AGTPBP1: variants seen among roughly 807,000 people sequenced by gnomAD.
AGTPBP1 encodes cytosolic carboxypeptidase 1.
AGTPBP1 carries 70 observed loss-of-function variants against 143.9 expected under a neutral mutation model. That is an observed-to-expected ratio of 0.49 (90% CI 0.40 to 0.59). The LOEUF is 0.59. AGTPBP1 is among the 20% of genes least tolerant of loss of function. The pLI, the probability that AGTPBP1 is intolerant of heterozygous loss-of-function variation, is 0.00. For synonymous variants in AGTPBP1, 463 were observed against 500.2 expected (o/e 0.93, Z 0.99); for missense variants, 1,229 against 1,464.5 (o/e 0.84, Z 2.62).
intron 2 of AGTPBP1, among the ~76,000 whole-genome samples, chr9:85,705,148 C>T (rs1036981581): frequency 6.6e-6 from 1 of 151,006 alleles, no homozygotes; most frequent in Middle Eastern, 3.4e-3. Context: ...AAAATTATGA[C>T]CAAAATTTTT....
intron 15 of AGTPBP1, 25 bp downstream of exon 15, chr9:85,621,177 A>C: frequency 1.5e-6 from 2 of 1,318,358 alleles, no homozygotes; most frequent in Non-Finnish European, 2.0e-6. Context: ...AAAACTAATA[A>C]AAGTTCATTA....
chr9:85,586,783 A>T, intron 22 of AGTPBP1, 48 bp downstream of exon 22: 1 of 1,580,242 alleles, frequency 6.3e-7, no homozygotes, highest in Non-Finnish European at 8.6e-7. Flanking sequence ...ATTAAAAATG[A>T]TATTTTATCT....
chr9:85,602,695 C>T (rs986307413), intron 17 of AGTPBP1, among the ~76,000 whole-genome samples: 1 of 152,088 alleles, frequency 6.6e-6, no homozygotes, highest in East Asian at 1.9e-4. Context: ...CAACTATCCA[C>T]GCAAGAAAGC....
chr9:85,804,864 ACTT>A, the AGTPBP1 span, among the ~76,000 whole-genome samples: 1 of 152,092 alleles, frequency 6.6e-6, no homozygotes, highest in South Asian at 2.1e-4. Flanking sequence ...GACCATCCCT[ACTT>A]CATTGCCTGG....
At chr9:85,639,303 A>G (rs1044691489) in intron 13 of AGTPBP1, among the ~76,000 whole-genome samples, 2 of 152,118 alleles carry the variant, frequency 1.3e-5, no homozygotes, top group Non-Finnish European at 2.9e-5. Flanking sequence ...AACAGTAATT[A>G]TAGGAGGAAA....
At chr9:85,678,516 G>A (rs888577590) in intron 4 of AGTPBP1, 118 bp from the exon 5 acceptor site, 10 of 525,936 alleles carry the variant, frequency 1.9e-5, no homozygotes, top group East Asian at 1.0e-4. Flanking sequence ...TAGGAACAAA[G>A]GTATTCAGGT....
At chr9:85,681,745 C>CTTTTTT (rs1204253430) in intron 3 of AGTPBP1, among the ~76,000 whole-genome samples, 25 of 105,894 alleles carry the variant, frequency 2.4e-4, no homozygotes, top group African/African-American at 5.5e-4. Context: ...GCATTAATAT[C>CTTTTTT]TTTTTTTTTT....
chr9:85,551,279 T>C (rs1216001910), intron 25 of AGTPBP1, among the ~76,000 whole-genome samples: 1 of 152,188 alleles, frequency 6.6e-6, no homozygotes, highest in Non-Finnish European at 1.5e-5. Context: ...CAAATACAGG[T>C]ATACTTCACA....
intron 25 of AGTPBP1, among the ~76,000 whole-genome samples, chr9:85,551,419 A>G (rs908914006): frequency 1.4e-4 from 22 of 152,118 alleles, no homozygotes; most frequent in Admixed American, 4.6e-4. Context: ...TGCACATTCT[A>G]TCTGATCACT....
At chr9:85,783,783 G>A in the AGTPBP1 span, among the ~76,000 whole-genome samples, 2 of 152,012 alleles carry the variant, frequency 1.3e-5, no homozygotes, top group Non-Finnish European at 2.9e-5. Context: ...TACAGGTGCC[G>A]CCACCAGGCC....
chr9:85,717,841 CT>C (rs1423246531), intron 1 of AGTPBP1, among the ~76,000 whole-genome samples: 1 of 152,000 alleles, frequency 6.6e-6, no homozygotes, highest in African/African-American at 2.4e-5. Context: ...CCCCCACCCC[CT>C]AACAGGCCGT....
At chr9:85,682,214 T>C (rs1835234803) in intron 3 of AGTPBP1, among the ~76,000 whole-genome samples, 1 of 150,110 alleles carries the variant, frequency 6.7e-6, no homozygotes, top group African/African-American at 2.4e-5. Flanking sequence ...ATTATTTCTA[T>C]TAGGTGAAGG....
At chr9:85,727,559 A>G (rs1233849826) in intron 1 of AGTPBP1, among the ~76,000 whole-genome samples, 1 of 152,242 alleles carries the variant, frequency 6.6e-6, no homozygotes, top group Non-Finnish European at 1.5e-5. Context: ...TAGCAGAAGA[A>G]TTCTCAACAG....
the AGTPBP1 span, among the ~76,000 whole-genome samples, chr9:85,783,893 GGA>G: frequency 6.6e-6 from 1 of 152,138 alleles, no homozygotes; most frequent in Admixed American, 6.5e-5. Flanking sequence ...CCAAAGTGCT[GGA>G]ATTACAGGCA....
At chr9:85,610,170 T>C (rs893387252) in intron 17 of AGTPBP1, among the ~76,000 whole-genome samples, 4 of 152,150 alleles carry the variant, frequency 2.6e-5, no homozygotes, top group Admixed American at 6.5e-5. Flanking sequence ...AAGAAGGCAG[T>C]TGAAAATCCT....
In AGTPBP1 at chr9:85,588,058, T is replaced by C. The variant is rs545391406; in HGVS notation, c.2903+240A>G. Among the ~76,000 whole-genome samples, 19 of 152,314 alleles carry C rather than the reference T, an allele frequency of 1.2e-4. 1 individual carries two copies. The highest frequency in any genetic ancestry group is 2.0e-4 in the Admixed American group (3 of 15,300). On this transcript the variant is annotated intron_variant, in intron 21 of 25. Coordinates refer to ENST00000357081, the MANE Select transcript of AGTPBP1 (RefSeq NM_001330701.2). Reference sequence around the variant, plus strand: ...AGCATTTTATGAAAGCATATTCCCATGGATACAGAATAGGGCACTAGGCCC... The same window carrying C: ...AGCATTTTATGAAAGCATATTCCCACGGATACAGAATAGGGCACTAGGCCC...
intron 24 of AGTPBP1, among the ~76,000 whole-genome samples, chr9:85,578,162 T>A (rs1261326788): frequency 1.3e-5 from 2 of 152,210 alleles, no homozygotes; most frequent in Non-Finnish European, 2.9e-5. Context: ...TCTGTAAAAT[T>A]AATAAATAAT....
At chr9:85,636,780 C>T (rs139109425) in intron 13 of AGTPBP1, among the ~76,000 whole-genome samples, 234 of 152,146 alleles carry the variant, frequency 1.5e-3, no homozygotes, top group African/African-American at 5.5e-3. Context: ...AAGAAGAGAA[C>T]GCAGAGTTTT....
intron 25 of AGTPBP1, among the ~76,000 whole-genome samples, chr9:85,563,867 C>T (rs567525134): frequency 6.6e-6 from 1 of 152,254 alleles, no homozygotes; most frequent in Non-Finnish European, 1.5e-5. Context: ...TGCTCCTCTG[C>T]AGCACAAGGT....
Sources: gnomAD v4.1 joint callset for allele counts (sites outside exome capture counted in the v4.1 genomes callset) on GRCh38, gnomAD v4.1.1 for gene constraint, MANE v1.5 for transcripts, NCBI Gene and HGNC (gene_info 2026-07-23, HGNC 2026-07-21) for gene names.